DYNC1I1: variants seen among roughly 807,000 people sequenced by gnomAD.
The protein encoded by DYNC1I1 is cytoplasmic dynein 1 intermediate chain 1.
Under a neutral mutation model 86.6 loss-of-function variants are expected in DYNC1I1, and 43 were observed. The observed-to-expected ratio is 0.50, with a 90% CI of 0.39 to 0.64. The LOEUF is 0.64. DYNC1I1 is among the 30% of genes least tolerant of loss of function. DYNC1I1 has a pLI of 0.00. For missense variants in DYNC1I1, 604 were observed against 788.8 expected, an observed-to-expected ratio of 0.77 and a Z score of 2.81; for synonymous variants, 262 against 283.7, an observed-to-expected ratio of 0.92 and a Z score of 0.77.
chr7:95,804,384 T>G, intron 1 of DYNC1I1: 1 of 1,275,850 alleles, frequency 7.8e-7, no homozygotes, highest in Non-Finnish European at 1.0e-6. Flanking sequence ...GGTTCTTTTT[T>G]GATTCTCTTA....
intron 14 of DYNC1I1, among the ~76,000 whole-genome samples, chr7:96,042,373 A>G (rs907734083): frequency 3.9e-5 from 6 of 152,198 alleles, no homozygotes; most frequent in African/African-American, 1.4e-4. Flanking sequence ...TGCTCTGTTC[A>G]CCAAAAAGAC....
At position 96,098,376 on chromosome 7, in the gene DYNC1I1, A is replaced by C. The variant is rs376323291; in HGVS notation, c.*783A>C. 1.0e-6 allele frequency: 1 copy of C among 985,498 alleles called. No homozygotes were observed. The highest frequency in any genetic ancestry group is 1.2e-6 in the Non-Finnish European group (1 of 829,948). 61.0% of individuals were successfully genotyped at this position (985,498 alleles called of 1,614,324 possible). A position where few individuals can be genotyped will look rare whatever the true frequency, so the allele number is the denominator to read the frequency against. On this transcript the variant is annotated 3_prime_UTR_variant, in exon 17 of 17. Transcript: ENST00000447467. The stretch of plus-strand genomic sequence containing the variant: ...AGCTAACACAGTCTGACAAAAGTCT[A>C]TGGTTCCTAAATATGACATCAGTGT...
At chr7:95,890,790 G>A (rs1219389142) in intron 6 of DYNC1I1, among the ~76,000 whole-genome samples, 1 of 152,132 alleles carries the variant, frequency 6.6e-6, no homozygotes, top group Non-Finnish European at 1.5e-5. Flanking sequence ...CCTAAAATCT[G>A]CATTTCGAAC....
chr7:96,064,821 C>T (rs1006005195), intron 14 of DYNC1I1, among the ~76,000 whole-genome samples: 22 of 152,074 alleles, frequency 1.4e-4, no homozygotes, highest in African/African-American at 4.3e-4. Flanking sequence ...TATCTGCCTT[C>T]CATTTGCCAG....
At chr7:95,969,152 A>G (rs983666495) in intron 6 of DYNC1I1, among the ~76,000 whole-genome samples, 2 of 152,220 alleles carry the variant, frequency 1.3e-5, no homozygotes, top group Non-Finnish European at 2.9e-5. Flanking sequence ...ATCATTATGT[A>G]GTCTATCAGT....
At chr7:95,818,688 A>T in intron 4 of DYNC1I1, 1 of 443,194 alleles carries the variant, frequency 2.3e-6, no homozygotes, top group Non-Finnish European at 4.0e-6. Flanking sequence ...TGTGTATTTT[A>T]TACAACTAGA....
chr7:96,100,693 G>A (rs555270612), downstream of DYNC1I1, among the ~76,000 whole-genome samples: 6 of 106,300 alleles, frequency 5.6e-5, no homozygotes, highest in East Asian at 1.3e-3. Flanking sequence ...GTAAGGAAGA[G>A]GGAAGCTATA....
chr7:96,037,546 A>G (rs1390969045), intron 13 of DYNC1I1, among the ~76,000 whole-genome samples: 1 of 152,198 alleles, frequency 6.6e-6, no homozygotes, highest in African/African-American at 2.4e-5. Flanking sequence ...TAGAATCAAC[A>G]TGGCATAGGT....
chr7:96,038,057 G>T (rs1176591953), intron 13 of DYNC1I1, among the ~76,000 whole-genome samples: 1 of 152,176 alleles, frequency 6.6e-6, no homozygotes, highest in Non-Finnish European at 1.5e-5. Context: ...CCACTTCAAA[G>T]ATCAGTTCCT....
intron 10 of DYNC1I1, among the ~76,000 whole-genome samples, chr7:96,014,885 A>T (rs2115870511): frequency 6.6e-6 from 1 of 152,320 alleles, no homozygotes; most frequent in Admixed American, 6.5e-5. Context: ...TGGTCTTACC[A>T]GGGCAGGATG....
intron 4 of DYNC1I1, 55 bp downstream of exon 4, chr7:95,813,392 A>AAACAGCAAC: frequency 6.5e-7 from 1 of 1,549,226 alleles, no homozygotes; most frequent in Non-Finnish European, 8.7e-7. Flanking sequence ...AAAAAAAAAA[A>AAACAGCAAC]ACAGCAACAA....
intron 5 of DYNC1I1, among the ~76,000 whole-genome samples, chr7:95,836,049 T>C (rs1289612759): frequency 6.6e-6 from 1 of 152,244 alleles, no homozygotes; most frequent in African/African-American, 2.4e-5. Context: ...CGTTAGTTGA[T>C]GCAGTTTCTT....
chr7:95,853,460 A>T (rs976071106), intron 5 of DYNC1I1, among the ~76,000 whole-genome samples: 1 of 152,188 alleles, frequency 6.6e-6, no homozygotes, highest in Admixed American at 6.5e-5. Flanking sequence ...CCCAGCCTCC[A>T]GAACTGTGAG....
At chr7:96,033,277 C>T (rs1258756640) in intron 12 of DYNC1I1, among the ~76,000 whole-genome samples, 2 of 152,236 alleles carry the variant, frequency 1.3e-5, no homozygotes, top group African/African-American at 2.4e-5. Context: ...TAGTATGGCT[C>T]CTGTCATTCC....
At chr7:96,078,438 T>C (rs1300702966) in intron 15 of DYNC1I1, among the ~76,000 whole-genome samples, 1 of 152,198 alleles carries the variant, frequency 6.6e-6, no homozygotes, top group Non-Finnish European at 1.5e-5. Flanking sequence ...TTTTGTCATT[T>C]TCTTCATGCA....
intron 6 of DYNC1I1, among the ~76,000 whole-genome samples, chr7:95,921,789 T>C (rs1057410930): frequency 3.3e-5 from 5 of 152,352 alleles, no homozygotes; most frequent in African/African-American, 1.2e-4. Flanking sequence ...TTGTGAGCAG[T>C]GTGATCCTAC....
chr7:95,811,841 T>C (rs973761836), intron 3 of DYNC1I1, among the ~76,000 whole-genome samples: 2 of 152,178 alleles, frequency 1.3e-5, no homozygotes, highest in South Asian at 4.1e-4. Context: ...TCAATTATAT[T>C]TGTGCCTCAA....
intron 5 of DYNC1I1, among the ~76,000 whole-genome samples, chr7:95,853,617 A>G (rs112412453): frequency 6.2e-4 from 94 of 152,300 alleles, no homozygotes; most frequent in African/African-American, 2.1e-3. Flanking sequence ...TGCAGTTGAG[A>G]AGAATGTATA....
intron 14 of DYNC1I1, 111 bp downstream of exon 14, chr7:96,039,532 G>A: frequency 7.4e-7 from 1 of 1,344,700 alleles, no homozygotes; most frequent in Non-Finnish European, 1.0e-6. Flanking sequence ...CTGGCATTGG[G>A]AATTCATATA....
Sources: gnomAD v4.1 joint callset for allele counts (sites outside exome capture counted in the v4.1 genomes callset) on GRCh38, gnomAD v4.1.1 for gene constraint, MANE v1.5 for transcripts, NCBI Gene and HGNC (gene_info 2026-07-23, HGNC 2026-07-21) for gene names.